FGF14: variants seen among roughly 807,000 people sequenced by gnomAD.
The protein encoded by FGF14 is fibroblast growth factor homologous factor 4.
Under a neutral mutation model 25.5 loss-of-function variants are expected in FGF14, and 5 were observed. The ratio of observed to expected loss-of-function variants is 0.20; its 90% CI spans 0.10 to 0.41. The LOEUF is 0.41. Among genes scored for constraint, FGF14 ranks in the 10% least tolerant of loss-of-function variants. The probability of loss-of-function intolerance (pLI) is 1.00; values close to 1 mark genes in which losing one functional copy is unlikely to be tolerated. For synonymous variants in FGF14, 138 were observed against 118.3 expected (o/e 1.17, Z -1.08); for missense variants, 222 against 320.1 (o/e 0.69, Z 2.34).
intron 1 of FGF14, among the ~76,000 whole-genome samples, chr13:102,361,885 C>G (rs951405902): frequency 6.6e-6 from 1 of 151,904 alleles, no homozygotes; most frequent in African/African-American, 2.4e-5. Context: ...TCTCAAATAA[C>G]AGTGTGGACA....
intron 1 of FGF14, among the ~76,000 whole-genome samples, chr13:102,376,800 C>T (rs894531812): frequency 9.2e-5 from 14 of 152,188 alleles, no homozygotes; most frequent in African/African-American, 3.1e-4. Context: ...GTCATCTTCA[C>T]TTGCAAGTTT....
At chr13:102,140,013 T>C (rs1468274226) in intron 1 of FGF14, among the ~76,000 whole-genome samples, 1 of 150,376 alleles carries the variant, frequency 6.6e-6, no homozygotes, top group Admixed American at 6.7e-5. Flanking sequence ...ATCAAGTTTA[T>C]GGTGGCAGCT....
chr13:101,975,958 G>A (rs753310865), intron 1 of FGF14, among the ~76,000 whole-genome samples: 1 of 152,194 alleles, frequency 6.6e-6, no homozygotes, highest in African/African-American at 2.4e-5. Context: ...CCACGGCCTG[G>A]TTCTGTGGGA....
rs1036326189 is a variant in FGF14, at chr13:102,329,732, C to T, written c.208+71739G>A. On this transcript the variant is annotated intron_variant, in intron 1 of 4. Coordinates refer to the FGF14 transcript ENST00000376131. Reference sequence around the variant, plus strand: ...TCCTGAATGACCTCATTACTAAGCACCCCTGCTCAGATCAACACCTCCTGT... The same window carrying T: ...TCCTGAATGACCTCATTACTAAGCATCCCTGCTCAGATCAACACCTCCTGT... Among the ~76,000 whole-genome samples the T allele has an allele frequency of 3.9e-5, 6 of 152,062 alleles. No individual in the cohort carries two copies. In the East Asian group the frequency reaches 1.2e-3, roughly 29 times the overall value.
chr13:102,214,824 C>T lies in FGF14; in HGVS notation c.208+186647G>A, dbSNP rs149977441. On this transcript the variant is annotated intron_variant, in intron 1 of 4. Coordinates refer to the FGF14 transcript ENST00000376131. ...AGCATCTGATAATGCATAGGACAGC[C>T]CCGCAGATAAAAAATTATCCAGCCC... Among the ~76,000 whole-genome samples, 10 of 152,220 alleles carry T rather than the reference C, an allele frequency of 6.6e-5. No homozygotes were observed. The East Asian group carries it at 1.7e-3, about 26-fold the overall frequency.
intron 1 of FGF14, among the ~76,000 whole-genome samples, chr13:102,043,330 C>T (rs1195186004): frequency 6.6e-6 from 1 of 152,112 alleles, no homozygotes; most frequent in Non-Finnish European, 1.5e-5. Context: ...AGCCACTAAC[C>T]ACTCAGATGA....
At chr13:102,348,042 A>T (rs56024494) in intron 1 of FGF14, among the ~76,000 whole-genome samples, 1 of 151,840 alleles carries the variant, frequency 6.6e-6, no homozygotes, top group Non-Finnish European at 1.5e-5. Context: ...AGCACATCTC[A>T]TGAGGATGTG....
At chr13:101,930,672 T>C (rs1339946046) in intron 1 of FGF14, among the ~76,000 whole-genome samples, 1 of 152,194 alleles carries the variant, frequency 6.6e-6, no homozygotes, top group African/African-American at 2.4e-5. Flanking sequence ...AATCCTTGCA[T>C]ATCATTGTAG....
chr13:101,972,737 C>G (rs4274293), intron 1 of FGF14, among the ~76,000 whole-genome samples: 56,091 of 151,748 alleles, frequency 0.37, 10,769 homozygotes, highest in East Asian at 0.7. Context: ...TCGAACTCCC[C>G]AGCTCAAGCT....
chr13:102,189,704 T>C (rs189966071), intron 1 of FGF14, among the ~76,000 whole-genome samples: 2 of 152,302 alleles, frequency 1.3e-5, no homozygotes, highest in East Asian at 3.9e-4. Context: ...GGGTAATGTA[T>C]AACCAAGAGT....
rs9585855 is a variant in FGF14, at chr13:102,147,807, T to C, written c.208+253664A>G. Among the ~76,000 whole-genome samples, 638 of 152,260 alleles carry C rather than the reference T, an allele frequency of 4.2e-3. 5 individuals carry two copies. The highest frequency in any genetic ancestry group is 0.014 in the African/African-American group (566 of 41,544). On this transcript the variant is annotated intron_variant, in intron 1 of 4. Transcript: ENST00000376131. ...TTACCTTCCTGTCAGTGATCTCAAG[T>C]TTGTCTCATAGGAAGGTTTTGCATG...
At chr13:102,020,600 A>G (rs1281743083) in intron 1 of FGF14, among the ~76,000 whole-genome samples, 1 of 152,068 alleles carries the variant, frequency 6.6e-6, no homozygotes, top group East Asian at 1.9e-4. Flanking sequence ...GAGAGAGAAG[A>G]GCAGAAATGT....
intron 3 of FGF14, among the ~76,000 whole-genome samples, chr13:101,804,245 T>C (rs1193776299): frequency 6.6e-6 from 1 of 152,048 alleles, no homozygotes. Flanking sequence ...GCTGGATGTG[T>C]AAGGAGAGTG....
At chr13:101,765,624 T>A (rs1024158853) in intron 3 of FGF14, among the ~76,000 whole-genome samples, 1 of 152,162 alleles carries the variant, frequency 6.6e-6, no homozygotes, top group Non-Finnish European at 1.5e-5. Context: ...TACAGATTCA[T>A]ACAGTTGTGA....
At chr13:102,052,818 G>T (rs1291657701) in intron 1 of FGF14, among the ~76,000 whole-genome samples, 1 of 152,042 alleles carries the variant, frequency 6.6e-6, no homozygotes, top group Non-Finnish European at 1.5e-5. Context: ...ATGCTAATGA[G>T]TAACACAAAA....
intron 1 of FGF14, among the ~76,000 whole-genome samples, chr13:101,953,439 G>A (rs2036298674): frequency 6.6e-6 from 1 of 151,752 alleles, no homozygotes; most frequent in Admixed American, 6.6e-5. Context: ...AGTGATAGGT[G>A]GCTTCTGGAC....
intron 1 of FGF14, among the ~76,000 whole-genome samples, chr13:102,270,907 T>G (rs1235683278): frequency 6.6e-6 from 1 of 152,252 alleles, no homozygotes; most frequent in Non-Finnish European, 1.5e-5. Flanking sequence ...TTTGATTTAA[T>G]GCAAGTATCA....
chr13:102,353,792 C>T (rs961182024), intron 1 of FGF14, among the ~76,000 whole-genome samples: 2 of 152,152 alleles, frequency 1.3e-5, no homozygotes, highest in African/African-American at 2.4e-5. Flanking sequence ...TTTTTCCTAA[C>T]TGTATTAGTC....
intron 1 of FGF14, among the ~76,000 whole-genome samples, chr13:102,074,206 G>GTC (rs1198678513): frequency 2.0e-5 from 3 of 152,058 alleles, no homozygotes; most frequent in Non-Finnish European, 4.4e-5. Flanking sequence ...TAGAGATGGG[G>GTC]TCTCACTATG....
Sources: gnomAD v4.1 joint callset for allele counts (sites outside exome capture counted in the v4.1 genomes callset) on GRCh38, gnomAD v4.1.1 for gene constraint, MANE v1.5 for transcripts, NCBI Gene and HGNC (gene_info 2026-07-23, HGNC 2026-07-21) for gene names.